Variants in SOX5 observed in about 807,000 individuals in gnomAD.
SOX5 encodes the protein transcription factor SOX-5.
Under a neutral mutation model 92.0 loss-of-function variants are expected in SOX5, and 9 were observed. That is an observed-to-expected ratio of 0.10 (90% CI 0.06 to 0.17). The LOEUF is 0.17. Among genes scored for constraint, SOX5 ranks in the 10% least tolerant of loss-of-function variants. SOX5 has a pLI of 1.00. For missense variants in SOX5, 642 were observed against 944.5 expected (o/e 0.68, Z 4.20); for synonymous variants, 344 against 336.3 (o/e 1.02, Z -0.25).
intron 1 of SOX5, among the ~76,000 whole-genome samples, chr12:24,538,598 A>AACACACACACACAC (rs60114784): frequency 7.0e-6 from 1 of 143,752 alleles, no homozygotes; most frequent in Non-Finnish European, 1.5e-5. Flanking sequence ...GCTGGATCTA[A>AACACACACACACAC]ACACACACAC....
At chr12:24,217,577 T>G (rs543817656) in intron 3 of SOX5, among the ~76,000 whole-genome samples, 1 of 152,304 alleles carries the variant, frequency 6.6e-6, no homozygotes, top group African/African-American at 2.4e-5. Context: ...ACCTTGGGTT[T>G]AGCAATGGGT....
At chr12:24,040,254 C>T (rs1956393835) in intron 4 of SOX5, among the ~76,000 whole-genome samples, 1 of 152,086 alleles carries the variant, frequency 6.6e-6, no homozygotes, top group Non-Finnish European at 1.5e-5. Flanking sequence ...ATCTATGGTT[C>T]TAACTTTGTC....
chr12:24,269,586 T>C (rs1230257193), intron 3 of SOX5, among the ~76,000 whole-genome samples: 1 of 152,124 alleles, frequency 6.6e-6, no homozygotes, highest in Non-Finnish European at 1.5e-5. Flanking sequence ...TCAAAATATA[T>C]GTAAACGTCC....
intron 4 of SOX5, among the ~76,000 whole-genome samples, chr12:24,095,144 GAGAGAGAGAGAGAC>G (rs1945226073): frequency 1.3e-5 from 2 of 150,234 alleles, no homozygotes. Context: ...GAGAGAGAGA[GAGAGAGAGAGAGAC>G]AGAGACAGAG....
chr12:23,823,616 T>G (rs1417800654), intron 3 of SOX5, among the ~76,000 whole-genome samples: 1 of 152,186 alleles, frequency 6.6e-6, no homozygotes, highest in East Asian at 1.9e-4. Context: ...TCTAGAGCAG[T>G]ATCTTTGTGG....
At chr12:23,916,047 G>A (rs1002943363) in intron 1 of SOX5, among the ~76,000 whole-genome samples, 2 of 152,096 alleles carry the variant, frequency 1.3e-5, no homozygotes, top group African/African-American at 4.8e-5. Context: ...ACCCAAAAAG[G>A]ATGATTTTTG....
At chr12:24,107,431 A>C (rs1024018316) in intron 4 of SOX5, among the ~76,000 whole-genome samples, 13 of 152,254 alleles carry the variant, frequency 8.5e-5, no homozygotes, top group African/African-American at 2.9e-4. Context: ...TCATTCAAAA[A>C]AGTGGAAGTA....
At chr12:24,402,479 TTTC>T (rs1961965151) in intron 1 of SOX5, among the ~76,000 whole-genome samples, 1 of 152,202 alleles carries the variant, frequency 6.6e-6, no homozygotes, top group South Asian at 2.1e-4. Flanking sequence ...TTTGTATCTT[TTTC>T]TTCTTCATCT....
intron 2 of SOX5, among the ~76,000 whole-genome samples, chr12:24,289,146 C>G (rs954689144): frequency 1.3e-5 from 2 of 151,976 alleles, no homozygotes; most frequent in Admixed American, 6.6e-5. Flanking sequence ...CCAGTCATGG[C>G]GGCTTGCATC....
chr12:23,823,037 ACAGCACACT>A (rs1452494632), intron 3 of SOX5, among the ~76,000 whole-genome samples: 11 of 152,160 alleles, frequency 7.2e-5, no homozygotes, highest in Non-Finnish European at 1.6e-4. Context: ...TCTCCTGAAT[ACAGCACACT>A]GATGTTTCTT....
At chr12:24,170,577 C>A (rs1050675334) in intron 4 of SOX5, among the ~76,000 whole-genome samples, 1 of 152,164 alleles carries the variant, frequency 6.6e-6, no homozygotes, top group African/African-American at 2.4e-5. Context: ...CACACCCCGT[C>A]GGCCCACACA....
chr12:24,159,894 TCAA>T (rs907258918), intron 4 of SOX5, among the ~76,000 whole-genome samples: 13 of 152,144 alleles, frequency 8.5e-5, no homozygotes, highest in African/African-American at 2.9e-4. Flanking sequence ...CCCAGTGTTT[TCAA>T]CAACAACAGA....
At chr12:24,449,882 T>C (rs995052420) in intron 1 of SOX5, among the ~76,000 whole-genome samples, 1 of 152,174 alleles carries the variant, frequency 6.6e-6, no homozygotes, top group African/African-American at 2.4e-5. Flanking sequence ...ATGCCACTCC[T>C]GTGACTGAAA....
At chr12:24,093,387 G>T (rs1431110361) in intron 4 of SOX5, among the ~76,000 whole-genome samples, 1 of 152,004 alleles carries the variant, frequency 6.6e-6, no homozygotes, top group African/African-American at 2.4e-5. Context: ...GCCAGGCGTG[G>T]TGGCGGGCGC....
chr12:23,870,968 C>T (rs1044971332), intron 2 of SOX5, among the ~76,000 whole-genome samples: 1 of 152,020 alleles, frequency 6.6e-6, no homozygotes, highest in African/African-American at 2.4e-5. Flanking sequence ...CGTTATCCAC[C>T]ATGAAAATCT....
intron 3 of SOX5, among the ~76,000 whole-genome samples, chr12:24,231,251 A>G (rs1963332555): frequency 1.3e-5 from 2 of 152,154 alleles, no homozygotes; most frequent in African/African-American, 4.8e-5. Flanking sequence ...AACTTCAGTA[A>G]CAAGGCTCTC....
chr12:23,792,622 C>CAAAAAAAA lies in SOX5; in HGVS notation c.482-36906_482-36899dup, dbSNP rs749845598. On this transcript the variant is annotated intron_variant, in intron 3 of 14. Coordinates refer to ENST00000451604, the MANE Select transcript of SOX5 (RefSeq NM_006940.6). ...TGGGCAATAGAGTGAGGCTCTGTCT[C>CAAAAAAAA]AAAAAAAAAAAAAAAAAAAAAAAAA... is the stretch of plus-strand genomic sequence containing the variant. Among the ~76,000 whole-genome samples, 168 of 38,966 alleles carry CAAAAAAAA rather than the reference C, an allele frequency of 4.3e-3. 22 individuals are homozygous for CAAAAAAAA. Among genetic ancestry groups the CAAAAAAAA allele is most frequent in the Admixed American group, 8.5e-3 (17 of 1,992 alleles). The allele number at this position is 38,966 out of a possible 152,430, so 25.6% of individuals were successfully genotyped here. A position where few individuals can be genotyped will look rare whatever the true frequency, so the allele number is the denominator to read the frequency against.
chr12:24,086,856 G>A (rs1321503470), intron 4 of SOX5, among the ~76,000 whole-genome samples: 1 of 151,952 alleles, frequency 6.6e-6, no homozygotes, highest in African/African-American at 2.4e-5. Context: ...CAAAAACACA[G>A]TCAAATATTC....
chr12:23,943,917 A>C (rs1944109549), intron 1 of SOX5, among the ~76,000 whole-genome samples: 1 of 152,130 alleles, frequency 6.6e-6, no homozygotes, highest in Non-Finnish European at 1.5e-5. Flanking sequence ...AATGATACAA[A>C]AGAAACAAAA....
Sources: allele counts gnomAD v4.1 joint callset (sites outside exome capture counted in the v4.1 genomes callset), GRCh38; gene constraint gnomAD v4.1.1; transcripts MANE v1.5; gene names NCBI Gene and HGNC (gene_info 2026-07-23, HGNC 2026-07-21).